NALF1: variants seen among roughly 807,000 people sequenced by gnomAD.
NALF1 encodes family with sequence similarity 155 member A.
Under a neutral mutation model 48.4 loss-of-function variants are expected in NALF1, and 3 were observed. That is an observed-to-expected ratio of 0.06 (90% CI 0.03 to 0.16). The LOEUF is 0.16. Ranked by LOEUF, NALF1 falls within the 10% of genes least tolerant of loss-of-function variation. The pLI is 1.00. For synonymous variants in NALF1, 262 were observed against 245.7 expected (o/e 1.07, Z -0.62); for missense variants, 526 against 571.5 (o/e 0.92, Z 0.81).
chr13:107,659,216 G>A (rs1880666211), intron 1 of NALF1, among the ~76,000 whole-genome samples: 1 of 151,764 alleles, frequency 6.6e-6, no homozygotes, highest in Admixed American at 6.6e-5. Context: ...CGTTCCCCTG[G>A]GAAGCCACCC....
chr13:107,866,297 C>A lies in NALF1; in HGVS notation c.300G>T (p.Glu100Asp), dbSNP rs866823993. The change falls in exon 1 of 3, where the codon GAG becomes GAT. Residue 100 changes from glutamate to aspartate, a missense_variant. Glu to Asp is a conservative substitution (Grantham distance 45). Transcript: ENST00000375915. This position sits in a 1 kb window ranked among gnomAD's most constrained non-coding sequence, Gnocchi z 4.4. ...QQQQQQRRQQ[E>D]PSWPALLASM... Reference sequence around the variant, plus strand: ...TCGCCAGGAGCGCGGGCCAGGAGGGCTCCTGCTGCCGCCGCTGCTGCTGCT... The same window carrying A: ...TCGCCAGGAGCGCGGGCCAGGAGGGATCCTGCTGCCGCCGCTGCTGCTGCT... 1.9e-6 allele frequency: 3 copies of A among 1,605,508 alleles called. No homozygotes were observed. Among genetic ancestry groups the A allele is most frequent in the Non-Finnish European group, 2.5e-6 (3 of 1,178,030 alleles).
chr13:107,580,361 C>A (rs935388976), intron 1 of NALF1, among the ~76,000 whole-genome samples: 2 of 152,110 alleles, frequency 1.3e-5, no homozygotes, highest in Non-Finnish European at 2.9e-5. Flanking sequence ...TATTTCCCAC[C>A]CCAGGGCTTT....
At chr13:107,562,672 T>C (rs972858790) in intron 1 of NALF1, among the ~76,000 whole-genome samples, 2 of 152,202 alleles carry the variant, frequency 1.3e-5, no homozygotes, top group African/African-American at 4.8e-5. Context: ...ACAAACATAA[T>C]GCCATTTGTT....
At chr13:107,729,182 TA>T (rs1318104365) in intron 1 of NALF1, among the ~76,000 whole-genome samples, 3 of 152,106 alleles carry the variant, frequency 2.0e-5, no homozygotes, top group Non-Finnish European at 4.4e-5. Flanking sequence ...ATTTTTTATT[TA>T]AAAAATGTAT....
At chr13:107,519,409 C>T (rs994939884) in intron 1 of NALF1, among the ~76,000 whole-genome samples, 1 of 151,834 alleles carries the variant, frequency 6.6e-6, no homozygotes, top group Admixed American at 6.6e-5. Flanking sequence ...AAGGATGTAA[C>T]TACTAAAGCC....
chr13:107,728,891 T>G (rs1393261907), intron 1 of NALF1, among the ~76,000 whole-genome samples: 1 of 152,154 alleles, frequency 6.6e-6, no homozygotes, highest in Admixed American at 6.5e-5. Context: ...CAAAAAGACA[T>G]CTGCTGAACT....
chr13:107,466,496 A>C (rs1885005780), intron 1 of NALF1: 1 of 152,238 alleles, frequency 6.6e-6, no homozygotes, highest in African/African-American at 2.4e-5. Flanking sequence ...ACTCAAATGC[A>C]GGTCTCAGGA....
chr13:107,730,700 T>C (rs1876286740), intron 1 of NALF1, among the ~76,000 whole-genome samples: 1 of 152,224 alleles, frequency 6.6e-6, no homozygotes, highest in Non-Finnish European at 1.5e-5. Flanking sequence ...CTTTAATGTC[T>C]TGGGGGAACC....
intron 1 of NALF1, among the ~76,000 whole-genome samples, chr13:107,404,056 T>C (rs1356881138): frequency 6.6e-6 from 1 of 152,152 alleles, no homozygotes; most frequent in South Asian, 2.1e-4. Flanking sequence ...GATCTTTCTA[T>C]AAGGCACAGA....
chr13:107,792,192 C>T (rs1054450378), intron 1 of NALF1, among the ~76,000 whole-genome samples: 3 of 152,140 alleles, frequency 2.0e-5, no homozygotes, highest in African/African-American at 7.2e-5. Flanking sequence ...TTATCAAGTA[C>T]ACTACTAATC....
At chr13:107,644,593 A>C (rs1342307296) in intron 1 of NALF1, among the ~76,000 whole-genome samples, 2 of 145,134 alleles carry the variant, frequency 1.4e-5, no homozygotes, top group African/African-American at 2.5e-5. Context: ...AGAAAAAAAT[A>C]CCTTTAAAAA....
intron 1 of NALF1, among the ~76,000 whole-genome samples, chr13:107,268,333 G>C (rs1242763255): frequency 6.6e-6 from 1 of 152,076 alleles, no homozygotes; most frequent in Non-Finnish European, 1.5e-5. Flanking sequence ...ATGGTTGATG[G>C]AGGGTAACTG....
chr13:107,499,416 C>T (rs1875442849), intron 1 of NALF1, among the ~76,000 whole-genome samples: 1 of 152,100 alleles, frequency 6.6e-6, no homozygotes, highest in African/African-American at 2.4e-5. Flanking sequence ...ACAATCATAG[C>T]TCACTGCAGC....
In NALF1 at chr13:107,451,562, A is replaced by C. The variant is rs79050038; in HGVS notation, c.916-240807T>G. On this transcript the variant is annotated intron_variant, in intron 1 of 2. Transcript: ENST00000375915. ...TAGGATAAGCAGCATGTCTGAATAC[A>C]TGCTCCAGGTATTTCAGCTCCTTTC... Among the ~76,000 whole-genome samples the C allele has an allele frequency of 2.9e-3, 444 of 152,256 alleles. 2 individuals carry two copies. Among genetic ancestry groups the C allele is most frequent in the African/African-American group, 0.01 (431 of 41,548 alleles).
chr13:107,820,840 T>C (rs16971215), intron 1 of NALF1, among the ~76,000 whole-genome samples: 3,773 of 152,310 alleles, frequency 0.025, 164 homozygotes, highest in African/African-American at 0.086. Flanking sequence ...ATCTAGTCCA[T>C]AATCCATATT....
intron 1 of NALF1, among the ~76,000 whole-genome samples, chr13:107,849,445 T>C (rs1375348577): frequency 6.6e-6 from 1 of 152,218 alleles, no homozygotes. Flanking sequence ...TAAGTTAATC[T>C]GCAAGCTTCA....
At chr13:107,730,032 A>G (rs1251796268) in intron 1 of NALF1, among the ~76,000 whole-genome samples, 16 of 152,198 alleles carry the variant, frequency 1.1e-4, no homozygotes, top group Non-Finnish European at 2.1e-4. Context: ...CTGATTATCA[A>G]TAACATAATC....
chr13:107,545,405 C>G (rs997387165), intron 1 of NALF1, among the ~76,000 whole-genome samples: 2 of 152,162 alleles, frequency 1.3e-5, no homozygotes, highest in Admixed American at 6.5e-5. Flanking sequence ...CCTTCAGAAG[C>G]AGGAGAGAAT....
intron 1 of NALF1, among the ~76,000 whole-genome samples, chr13:107,630,145 C>T (rs999694106): frequency 1.1e-4 from 16 of 151,206 alleles, no homozygotes. Flanking sequence ...AAGGTCATCG[C>T]CAAGGTCTGA....
Sources: gnomAD v4.1 joint callset for allele counts (sites outside exome capture counted in the v4.1 genomes callset) on GRCh38, gnomAD v4.1.1 for gene constraint, Gnocchi (gnomAD v3.1) non-coding constraint, MANE v1.5 for transcripts, NCBI Gene and HGNC (gene_info 2026-07-23, HGNC 2026-07-21) for gene names.